Variants in PTPRD observed in about 807,000 individuals in gnomAD.
PTPRD encodes the protein receptor-type tyrosine-protein phosphatase delta.
Under a neutral mutation model 214.5 loss-of-function variants are expected in PTPRD, and 34 were observed. That is an observed-to-expected ratio of 0.16 (90% confidence interval 0.12 to 0.21). The LOEUF (loss-of-function observed/expected upper bound fraction) is 0.21. Ranked by LOEUF, PTPRD falls within the 10% of genes least tolerant of loss-of-function variation. The pLI is 1.00. For synonymous variants in PTPRD, 1,128 were observed against 845.7 expected (o/e 1.33, Z -5.79); for missense variants, 2,545 against 2,398.7 (o/e 1.06, Z -1.27).
chr9:10,518,440 G>A (rs181766948), intron 2 of PTPRD, among the ~76,000 whole-genome samples: 1 of 152,150 alleles, frequency 6.6e-6, no homozygotes, highest in Admixed American at 6.5e-5. Context: ...AATTGAGTGT[G>A]AAATAAAGAT....
chr9:9,510,155 G>GC (rs2096665918), intron 8 of PTPRD, among the ~76,000 whole-genome samples: 1 of 151,680 alleles, frequency 6.6e-6, no homozygotes, highest in Non-Finnish European at 1.5e-5. Flanking sequence ...GGGTGGAGTA[G>GC]CTTTCTGTTT....
At chr9:10,156,082 GTGTGTGT>G (rs2099091120) in intron 3 of PTPRD, among the ~76,000 whole-genome samples, 1 of 52,910 alleles carries the variant, frequency 1.9e-5, no homozygotes, top group African/African-American at 7.8e-5. Context: ...GAATGTTTGT[GTGTGTGT>G]GTGTGTGTGT....
intron 5 of PTPRD, among the ~76,000 whole-genome samples, chr9:9,862,684 G>T (rs2063036945): frequency 7.7e-6 from 1 of 129,922 alleles, no homozygotes; most frequent in African/African-American, 2.9e-5. Flanking sequence ...CCCAAGTTCT[G>T]CCTGTCTCTG....
intron 9 of PTPRD, among the ~76,000 whole-genome samples, chr9:9,381,235 T>C (rs1290010565): frequency 6.6e-5 from 10 of 152,162 alleles, no homozygotes; most frequent in Admixed American, 6.6e-4. Flanking sequence ...TTACTATTTT[T>C]TTCTATTTCT....
At chr9:9,280,873 C>T (rs1947442433) in intron 9 of PTPRD, among the ~76,000 whole-genome samples, 1 of 151,130 alleles carries the variant, frequency 6.6e-6, no homozygotes, top group Admixed American at 6.6e-5. Context: ...TTCGAGACTT[C>T]CTATAAAGCT....
intron 7 of PTPRD, among the ~76,000 whole-genome samples, chr9:9,722,629 T>C (rs776453879): frequency 2.0e-5 from 3 of 152,080 alleles, no homozygotes; most frequent in Non-Finnish European, 2.9e-5. Flanking sequence ...GTTTAATCAT[T>C]TGAAGAACTG....
intron 11 of PTPRD, among the ~76,000 whole-genome samples, chr9:8,858,939 C>T (rs2098031687): frequency 6.6e-6 from 1 of 152,232 alleles, no homozygotes; most frequent in African/African-American, 2.4e-5. Context: ...AACAGATTCA[C>T]TCATCTCCTA....
chr9:10,530,643 T>C (rs2055959887), intron 2 of PTPRD, among the ~76,000 whole-genome samples: 1 of 152,080 alleles, frequency 6.6e-6, no homozygotes, highest in South Asian at 2.1e-4. Flanking sequence ...GATGGGACTA[T>C]GGCAAAATAA....
chr9:10,107,040 G>A (rs982439691), intron 3 of PTPRD, among the ~76,000 whole-genome samples: 3 of 151,932 alleles, frequency 2.0e-5, no homozygotes, highest in African/African-American at 7.2e-5. Context: ...CTATGGGCTT[G>A]AGCCTGGGGA....
intron 3 of PTPRD, among the ~76,000 whole-genome samples, chr9:10,301,763 G>T (rs993908330): frequency 6.6e-6 from 1 of 152,074 alleles, no homozygotes; most frequent in Admixed American, 6.5e-5. Flanking sequence ...AGGAAATATG[G>T]GACTATGTGA....
At chr9:9,897,365 C>T (rs2075286564) in intron 5 of PTPRD, among the ~76,000 whole-genome samples, 1 of 151,624 alleles carries the variant, frequency 6.6e-6, no homozygotes, top group Non-Finnish European at 1.5e-5. Context: ...ACACTTCCAC[C>T]AAGAGTTTTT....
chr9:9,150,633 C>T (rs983703271), intron 10 of PTPRD, among the ~76,000 whole-genome samples: 3 of 151,796 alleles, frequency 2.0e-5, no homozygotes, highest in Non-Finnish European at 4.4e-5. Flanking sequence ...TGCCTGCCCC[C>T]ATGCCCAGCT....
chr9:10,268,923 G>A (rs139487333), intron 3 of PTPRD, among the ~76,000 whole-genome samples: 5 of 152,156 alleles, frequency 3.3e-5, no homozygotes, highest in African/African-American at 7.2e-5. Context: ...TGTCCTGTGC[G>A]TTGTAGAATG....
chr9:9,417,003 G>C (rs1409320408), intron 8 of PTPRD, among the ~76,000 whole-genome samples: 1 of 152,036 alleles, frequency 6.6e-6, no homozygotes, highest in Non-Finnish European at 1.5e-5. Context: ...TGTATACCAA[G>C]TAAGATCAGT....
chr9:9,883,561 T>C (rs1374009856), intron 5 of PTPRD, among the ~76,000 whole-genome samples: 1 of 152,134 alleles, frequency 6.6e-6, no homozygotes, highest in African/African-American at 2.4e-5. Flanking sequence ...TAATCAATTA[T>C]GAATTTTAAG....
intron 7 of PTPRD, among the ~76,000 whole-genome samples, chr9:9,685,124 C>T (rs2097144695): frequency 6.6e-6 from 1 of 151,364 alleles, no homozygotes; most frequent in South Asian, 2.1e-4. Flanking sequence ...ATTTCATCCA[C>T]ATTTTTATTT....
intron 39 of PTPRD, among the ~76,000 whole-genome samples, chr9:8,343,549 G>C (rs1043770940): frequency 6.6e-6 from 1 of 152,022 alleles, no homozygotes; most frequent in African/African-American, 2.4e-5. Context: ...TGGTTCTAAA[G>C]AAACCTGTTA....
At chr9:8,673,664 C>G (rs1425205854) in intron 12 of PTPRD, among the ~76,000 whole-genome samples, 3 of 152,034 alleles carry the variant, frequency 2.0e-5, no homozygotes. Context: ...CCTCTAATTT[C>G]TTGACCTCGT....
At chr9:10,074,530 T>C (rs2098097626) in intron 3 of PTPRD, among the ~76,000 whole-genome samples, 1 of 152,158 alleles carries the variant, frequency 6.6e-6, no homozygotes, top group South Asian at 2.1e-4. Flanking sequence ...ATCTGATTAA[T>C]GTTTTGGATG....
Sources: allele counts gnomAD v4.1 joint callset (sites outside exome capture counted in the v4.1 genomes callset), GRCh38; gene constraint gnomAD v4.1.1; transcripts MANE v1.5; gene names NCBI Gene and HGNC (gene_info 2026-07-23, HGNC 2026-07-21).